LONP2: variants seen among roughly 807,000 people sequenced by gnomAD.
LONP2 encodes the protein lon peptidase 2, peroxisomal.
A neutral mutation model predicts 85.6 loss-of-function variants in LONP2; 60 were observed. The ratio of observed to expected loss-of-function variants is 0.70; its 90% CI spans 0.57 to 0.87. The LOEUF is 0.87. Ranked by LOEUF, LONP2 falls within the 40% of genes least tolerant of loss-of-function variation. The pLI is 0.00. For missense variants in LONP2, 860 were observed against 1,063.5 expected (o/e 0.81, Z 2.66); for synonymous variants, 395 against 389.7 (o/e 1.01, Z -0.16).
rs556617965 is a variant in LONP2 at position 48,335,223 on chromosome 16, C to T, written c.1938+865C>T. Among the ~76,000 whole-genome samples the T allele has an allele frequency of 3.9e-5, 6 of 152,244 alleles. No homozygotes were observed. In the East Asian group the frequency reaches 5.8e-4, roughly 15 times the overall value. ...GCTATCAAGGGCTTGGGGGAAGAGGCGGGGAATCAACCTGATACAGGTCTG... is the reference window on the plus strand; with the variant it reads ...GCTATCAAGGGCTTGGGGGAAGAGGTGGGGAATCAACCTGATACAGGTCTG... On this transcript the variant is annotated intron_variant, in intron 12 of 14. Coordinates refer to ENST00000285737, the MANE Select transcript of LONP2 (RefSeq NM_031490.5).
chr16:48,256,854 T>C lies in LONP2; in HGVS notation c.600+113T>C, dbSNP rs899678366. 4 of 935,176 alleles carry C rather than the reference T, an allele frequency of 4.3e-6. No homozygotes were observed. The African/African-American group carries it at 5.0e-5, about 12-fold the overall frequency. The allele number at this position is 935,176 out of a possible 1,614,324, so 57.9% of individuals were successfully genotyped here. A position where few individuals can be genotyped will look rare whatever the true frequency, so the allele number is the denominator to read the frequency against. ...AAAAGATATTGGAGACCCAAAGTAATTGAAATGCTTTTACATTTAAACTGA... is the reference window on the plus strand; with the variant it reads ...AAAAGATATTGGAGACCCAAAGTAACTGAAATGCTTTTACATTTAAACTGA... On this transcript the variant is annotated intron_variant, in intron 3 of 14. Coordinates refer to ENST00000285737, the MANE Select transcript of LONP2 (RefSeq NM_031490.5).
chr16:48,252,577 A>G (rs926444627), intron 2 of LONP2, among the ~76,000 whole-genome samples: 1 of 152,194 alleles, frequency 6.6e-6, no homozygotes, highest in African/African-American at 2.4e-5. Flanking sequence ...AGTTTTCCAA[A>G]TGTTATTTCT....
intron 11 of LONP2, among the ~76,000 whole-genome samples, chr16:48,331,794 G>A (rs1467024937): frequency 6.6e-6 from 1 of 152,188 alleles, no homozygotes; most frequent in Non-Finnish European, 1.5e-5. Context: ...TCGATCTCCT[G>A]ACCTCGTGAT....
At chr16:48,263,371 A>G (rs2038999927) in intron 6 of LONP2, among the ~76,000 whole-genome samples, 1 of 152,166 alleles carries the variant, frequency 6.6e-6, no homozygotes, top group African/African-American at 2.4e-5. Flanking sequence ...TCCTGTGGCA[A>G]CTACTAGTCT....
intron 10 of LONP2, among the ~76,000 whole-genome samples, chr16:48,301,590 G>A (rs1415268503): frequency 2.0e-5 from 3 of 150,452 alleles, no homozygotes; most frequent in African/African-American, 4.9e-5. Context: ...AGTTGAGATC[G>A]TGCCACTGCA....
In LONP2 at chr16:48,244,320, GCGGGGCAGGC is replaced by G; in HGVS notation, c.-63_-54del. ...GAGGCGGGTCTGAGGTTTGGTGACT[GCGGGGCAGGC>G]CGGGGGCAGCTGTCTGTCTGGCTCT... is the stretch of plus-strand genomic sequence containing the variant. On this transcript the variant is annotated 5_prime_UTR_variant, in exon 1 of 15. Transcript: ENST00000285737. The G allele has an allele frequency of 8.2e-7, 1 of 1,217,352 alleles. No individual in the cohort carries two copies. Among genetic ancestry groups the G allele is most frequent in the Non-Finnish European group, 1.1e-6 (1 of 905,052 alleles). The allele number at this position is 1,217,352 out of a possible 1,614,324, so 75.4% of individuals were successfully genotyped here.
At chr16:48,289,692 A>G (rs76229291) in intron 8 of LONP2, among the ~76,000 whole-genome samples, 2,231 of 152,350 alleles carry the variant, frequency 0.015, 63 homozygotes, top group African/African-American at 0.052. Context: ...AAGTGAAGAC[A>G]TCAATTCCAT....
intron 8 of LONP2, among the ~76,000 whole-genome samples, chr16:48,280,987 G>A (rs138975577): frequency 1.3e-5 from 2 of 152,188 alleles, no homozygotes; most frequent in Admixed American, 6.5e-5. Context: ...TACACAACAC[G>A]TTACATTTAA....
intron 1 of LONP2, among the ~76,000 whole-genome samples, chr16:48,245,354 G>C (rs1971308015): frequency 6.6e-6 from 1 of 152,162 alleles, no homozygotes; most frequent in Non-Finnish European, 1.5e-5. Flanking sequence ...GTGACTTTGG[G>C]TGAGAGCTTT....
In LONP2 at chr16:48,334,412, T is replaced by C. The variant is rs139130361; in HGVS notation, c.1938+54T>C. The C allele has an allele frequency of 4.7e-5, 76 of 1,610,436 alleles. 1 individual carries two copies. The Middle Eastern group carries it at 3.0e-3, about 63-fold the overall frequency. ...TCCAGTCAATGAAAGGAACACTTTATTGAGGCCCCAGGGCCGTAGGGCCTG... is the reference window on the plus strand; with the variant it reads ...TCCAGTCAATGAAAGGAACACTTTACTGAGGCCCCAGGGCCGTAGGGCCTG... On this transcript the variant is annotated intron_variant, in intron 12 of 14. Transcript: ENST00000285737.
At chr16:48,256,871 T>A in intron 3 of LONP2, 130 bp downstream of exon 3, 4 of 765,776 alleles carry the variant, frequency 5.2e-6, no homozygotes, top group Non-Finnish European at 8.1e-6. Flanking sequence ...GCTTTTACAT[T>A]TAAACTGACT....
chr16:48,282,095 G>T (rs1972339962), intron 8 of LONP2, among the ~76,000 whole-genome samples: 1 of 152,126 alleles, frequency 6.6e-6, no homozygotes, highest in African/African-American at 2.4e-5. Context: ...TTCACAGACT[G>T]TGTTTTTTTA....
At chr16:48,280,056 C>G (rs1972294101) in intron 8 of LONP2, among the ~76,000 whole-genome samples, 3 of 152,096 alleles carry the variant, frequency 2.0e-5, no homozygotes, top group Admixed American at 1.3e-4. Flanking sequence ...CTTAAAAGCC[C>G]TGGTATTTGG....
chr16:48,270,140 A>G lies in LONP2; in HGVS notation c.1107A>G (p.Pro369=). The change falls in exon 7 of 15, where the codon CCA becomes CCG. Residue 369 remains proline (P), a synonymous_variant. Coordinates refer to ENST00000285737, the MANE Select transcript of LONP2 (RefSeq NM_031490.5). The part of the protein sequence containing the change: ...VRQLKNNLKG[P]ILCFVGPPGV... ...AGCTCAAAAATAACCTGAAGGGCCC[A>G]ATCCTATGCTTTGTTGGCCCTCCTG... 1.9e-6 allele frequency: 3 copies of G among 1,614,058 alleles called. No homozygotes were observed. Among genetic ancestry groups the G allele is most frequent in the East Asian group, 2.2e-5 (1 of 44,864 alleles).
At chr16:48,348,006 CA>C in intron 13 of LONP2, 93 bp from the exon 14 acceptor site, 2 of 1,196,114 alleles carry the variant, frequency 1.7e-6, no homozygotes, top group Non-Finnish European at 2.4e-6. Context: ...TTCATTTACC[CA>C]AAACATTCAT....
chr16:48,269,321 G>T (rs1972055381), intron 6 of LONP2, among the ~76,000 whole-genome samples: 1 of 151,406 alleles, frequency 6.6e-6, no homozygotes, highest in African/African-American at 2.4e-5. Context: ...TTTTATAAAT[G>T]TAAAGATGTG....
chr16:48,310,613 A>G (rs1405938199), intron 11 of LONP2, among the ~76,000 whole-genome samples: 1 of 152,038 alleles, frequency 6.6e-6, no homozygotes, highest in Non-Finnish European at 1.5e-5. Flanking sequence ...TGGCCTCCCA[A>G]AGTGCTGGGA....
chr16:48,331,979 T>C (rs936873866), intron 11 of LONP2, among the ~76,000 whole-genome samples: 1 of 152,214 alleles, frequency 6.6e-6, no homozygotes, highest in African/African-American at 2.4e-5. Context: ...AAATCTGAAC[T>C]GTTGTGTTTT....
chr16:48,359,807 A>G (rs778431510), downstream of LONP2, among the ~76,000 whole-genome samples: 4 of 152,212 alleles, frequency 2.6e-5, no homozygotes, highest in South Asian at 2.1e-4. Flanking sequence ...CTGAAAATGG[A>G]TAACAGAAAT....
Sources: gnomAD v4.1 joint callset for allele counts (sites outside exome capture counted in the v4.1 genomes callset) on GRCh38, gnomAD v4.1.1 for gene constraint, MANE v1.5 for transcripts, NCBI Gene and HGNC (gene_info 2026-07-23, HGNC 2026-07-21) for gene names.